Variants in RAD51D observed in about 807,000 individuals in gnomAD.
RAD51D encodes the protein RAD51 paralog D, also known as DNA repair protein RAD51 homolog 4.
Under a neutral mutation model 44.1 loss-of-function variants are expected in RAD51D, and 38 were observed. The observed-to-expected ratio is 0.86, with a 90% CI of 0.67 to 1.13. The LOEUF is 1.13. Ranked by LOEUF, RAD51D falls within the 50% of genes most tolerant of loss-of-function variation. RAD51D has a pLI of 0.00. For synonymous variants in RAD51D, 141 were observed against 166.6 expected (o/e 0.85, Z 1.18); for missense variants, 390 against 414.0 (o/e 0.94, Z 0.50).
intron 4 of RAD51D, 89 bp downstream of exon 4, chr17:35,107,277 T>C: frequency 6.9e-7 from 1 of 1,452,188 alleles, no homozygotes; most frequent in Non-Finnish European, 9.7e-7. Context: ...TCTGAACCCA[T>C]TAGTACGCTG....
chr17:35,118,982 C>T (rs2091785275), intron 2 of RAD51D, 129 bp downstream of exon 2: 1 of 837,984 alleles, frequency 1.2e-6, no homozygotes, highest in African/African-American at 1.7e-5. Context: ...ACTTCTGACT[C>T]CAAGTGACCC....
At chr17:35,106,283 T>C in intron 6 of RAD51D, 103 bp downstream of exon 6, 3 of 950,670 alleles carry the variant, frequency 3.2e-6, no homozygotes, top group Non-Finnish European at 5.2e-6. Flanking sequence ...AGTCACCAGA[T>C]TGCACATCTG....
Position 35,103,909 on chromosome 17 carries a change from C to G in RAD51D, c.577-365G>C, listed in dbSNP as rs2091569600. Among the ~76,000 whole-genome samples the G allele has an allele frequency of 6.6e-6, 1 of 152,114 alleles. No homozygotes were observed. The highest frequency in any genetic ancestry group is 2.4e-5 in the African/African-American group (1 of 41,428). On this transcript the variant is annotated intron_variant, in intron 6 of 9. Transcript: ENST00000345365. The surrounding 1 kb of genome is among the most constrained non-coding windows in gnomAD (Gnocchi z 4.1). ...CCTGGCCAACATGGTGAAACCCCGT[C>G]TCCACTAAACATACAAAAATTAGCT...
intron 3 of RAD51D, among the ~76,000 whole-genome samples, chr17:35,108,396 G>A (rs1029027003): frequency 4.6e-5 from 7 of 151,252 alleles, no homozygotes; most frequent in Non-Finnish European, 1.0e-4. Context: ...TACTAGCCAG[G>A]GGCCTGTAGT....
rs1555568494 is a variant in RAD51D at position 35,107,406 on chromosome 17, A to C, written c.305T>G (p.Val102Gly). The C allele has an allele frequency of 1.9e-6, 3 of 1,566,524 alleles. No individual in the cohort carries two copies. Among genetic ancestry groups the C allele is most frequent in the Non-Finnish European group, 2.6e-6 (3 of 1,136,744 alleles). The stretch of plus-strand genomic sequence containing the variant: ...ACCTGGGCCTCCTACAATTTCAGTC[A>C]CTTCTCCAGTATAGAGACCAGCATC... ...LLDAGLYTGE[V>G]TEIVGGPGSG... Residue 102 changes from valine (V) to glycine (G), a missense_variant, in exon 4 of 10, where the codon GTG becomes GGG. By Grantham distance (109) the Val-to-Gly change is moderately radical (BLOSUM62 -3). Transcript: ENST00000345365.
At chr17:35,113,986 G>T (rs2091707289) in intron 3 of RAD51D, among the ~76,000 whole-genome samples, 1 of 152,054 alleles carries the variant, frequency 6.6e-6, no homozygotes, top group African/African-American at 2.4e-5. Context: ...AAAATCAGGG[G>T]AGTTGGCTGG....
At chr17:35,118,397 T>TAAA (rs147268486) in intron 3 of RAD51D, 104 bp downstream of exon 3, 1 of 858,262 alleles carries the variant, frequency 1.2e-6, no homozygotes, top group Non-Finnish European at 1.9e-6. Flanking sequence ...CATTATTGGT[T>TAAA]AAAAAAAAAA....
In RAD51D at chr17:35,100,700, T is replaced by A. The variant is rs747563457; in HGVS notation, c.*253A>T. The A allele has an allele frequency of 1.6e-6, 1 of 624,682 alleles. No individual in the cohort carries two copies. The highest frequency in any genetic ancestry group is 1.6e-5 in the South Asian group (1 of 61,848). 38.7% of individuals were successfully genotyped at this position (624,682 alleles called of 1,614,324 possible). ...GTGAACTTGGTTTCCACCAGAAACA[T>A]ACACGTTAGAAATAAGGGAAGGAAA... On this transcript the variant is annotated 3_prime_UTR_variant, in exon 10 of 10. Coordinates refer to ENST00000345365, the MANE Select transcript of RAD51D (RefSeq NM_002878.4).
At chr17:35,105,975 G>A (rs2091597797) in intron 6 of RAD51D, among the ~76,000 whole-genome samples, 1 of 152,144 alleles carries the variant, frequency 6.6e-6, no homozygotes, top group Admixed American at 6.6e-5. Flanking sequence ...AACCATGAGG[G>A]GAAGAACAAG....
chr17:35,100,862 G>T lies in RAD51D; in HGVS notation c.*91C>A, dbSNP rs1371386222. On this transcript the variant is annotated 3_prime_UTR_variant, in exon 10 of 10. Transcript: ENST00000345365. ...AGCCTGAGAACGTCTGTAGTCACCA[G>T]TGCCAGGTGGCAGTAAACAGCAGGC... 9.3e-7 allele frequency: 1 copy of T among 1,079,628 alleles called. No individual in the cohort carries two copies. Among genetic ancestry groups the T allele is most frequent in the African/African-American group, 1.6e-5 (1 of 64,342 alleles). The allele number at this position is 1,079,628 out of a possible 1,614,324, so 66.9% of individuals were successfully genotyped here.
intron 3 of RAD51D, among the ~76,000 whole-genome samples, chr17:35,109,970 T>TTTTC (rs1190912273): frequency 1.3e-5 from 2 of 150,048 alleles, no homozygotes; most frequent in African/African-American, 4.9e-5. Context: ...CCTGGCTTTT[T>TTTTC]TTTTTTTTTT....
intron 5 of RAD51D, 102 bp downstream of exon 5, chr17:35,106,886 G>T: frequency 6.4e-7 from 1 of 1,555,000 alleles, no homozygotes; most frequent in Non-Finnish European, 8.9e-7. Flanking sequence ...CAGCAAGTTT[G>T]AAGGCAAGGA....
At position 35,118,449 on chromosome 17, in the gene RAD51D, G is replaced by C. The variant is rs2091774662; in HGVS notation, c.263+52C>G. 2.9e-5 allele frequency: 43 copies of C among 1,470,290 alleles called. 2 individuals are homozygous for C. The South Asian group carries it at 4.6e-4, about 16-fold the overall frequency. The allele number at this position is 1,470,290 out of a possible 1,614,324, so 91.1% of individuals were successfully genotyped here. On this transcript the variant is annotated intron_variant, in intron 3 of 9. Transcript: ENST00000345365. ...TCAAGCATCAAAAGCAGAGCTGAGA[G>C]GAGGCCCCATCCTCCTGCCTCTCTC...
Position 35,100,921 on chromosome 17 carries a change from A to G in RAD51D, c.*32T>C, listed in dbSNP as rs549512215. The G allele has an allele frequency of 3.5e-5, 56 of 1,587,078 alleles. No individual in the cohort carries two copies. Among genetic ancestry groups the G allele is most frequent in the Middle Eastern group, 1.8e-4 (1 of 5,606 alleles). ...GAAGAAAAGTTGGGAGGGGTCCCCA[A>G]TGCTTCCCTGTTTCCCAAACAACAG... On this transcript the variant is annotated 3_prime_UTR_variant, in exon 10 of 10. Transcript: ENST00000345365.
At chr17:35,116,542 T>G (rs1024167889) in intron 3 of RAD51D, among the ~76,000 whole-genome samples, 4 of 152,202 alleles carry the variant, frequency 2.6e-5, no homozygotes, top group Non-Finnish European at 5.9e-5. Context: ...TTGCCCAGGC[T>G]GGAGTGCAGT....
rs570804991 is a variant in RAD51D, at chr17:35,115,601, A to G, written c.263+2900T>C. Among the ~76,000 whole-genome samples the G allele has an allele frequency of 1.7e-4, 26 of 152,200 alleles. No individual in the cohort carries two copies. The South Asian group carries it at 3.9e-3, about 23-fold the overall frequency. ...AGAAAGGCTAGAGACTGGGCATGGT[A>G]GCTCACGCCTGTAATCCCAGCACTT... On this transcript the variant is annotated intron_variant, in intron 3 of 9. Transcript: ENST00000345365.
At chr17:35,107,178 C>G (rs1243377707) in intron 4 of RAD51D, 56 bp from the exon 5 acceptor site, 3 of 1,604,326 alleles carry the variant, frequency 1.9e-6, no homozygotes, top group South Asian at 1.1e-5. Flanking sequence ...CAGATGGGAG[C>G]TCCCCACCAA....
At chr17:35,101,178 G>A (rs1366460272) in intron 9 of RAD51D, 23 bp downstream of exon 9, 5 of 1,613,964 alleles carry the variant, frequency 3.1e-6, no homozygotes, top group Non-Finnish European at 4.2e-6. Flanking sequence ...AAGATTACTG[G>A]CATCTTCCTG....
rs2091788390 is a variant in RAD51D at position 35,119,132 on chromosome 17, C to T, written c.123G>A (p.Gln41=). The change falls in exon 2 of 10, where the codon CAG becomes CAA. Residue 41 remains glutamine (Q), a synonymous_variant. Transcript: ENST00000345365. ...TCACCTTGTAAGACAAGCCACATTT[C>T]TGAGCTACCTCTTCCAGGTCTGCAG... is the stretch of plus-strand genomic sequence containing the variant. The part of the protein sequence containing the change: ...LVSADLEEVA[Q]KCGLSYKALV... 1.9e-6 allele frequency: 3 copies of T among 1,613,964 alleles called. No homozygotes were observed. Among genetic ancestry groups the T allele is most frequent in the Non-Finnish European group, 2.5e-6 (3 of 1,179,800 alleles).
Sources: allele counts gnomAD v4.1 joint callset (sites outside exome capture counted in the v4.1 genomes callset), GRCh38; gene constraint gnomAD v4.1.1; non-coding constraint Gnocchi (gnomAD v3.1); transcripts MANE v1.5; gene names NCBI Gene and HGNC (gene_info 2026-07-23, HGNC 2026-07-21).